IKBKG: variants seen among roughly 807,000 people sequenced by gnomAD.
IKBKG encodes inhibitor of nuclear factor kappa B kinase regulatory subunit gamma.
Under a neutral mutation model 13.7 loss-of-function variants are expected in IKBKG, and 2 were observed. The ratio of observed to expected loss-of-function variants is 0.15; its 90% confidence interval spans 0.06 to 0.46. The LOEUF (loss-of-function observed/expected upper bound fraction) is 0.46, where lower values mean the gene tolerates loss of function less well. IKBKG is among the 20% of genes least tolerant of loss of function. The probability of loss-of-function intolerance (pLI) is 0.98; values close to 1 mark genes in which losing one functional copy is unlikely to be tolerated. For synonymous variants in IKBKG, 22 were observed against 64.4 expected (o/e 0.34, Z 3.15); for missense variants, 53 against 150.3 (o/e 0.35, Z 3.39).
intron 2 of IKBKG, among the ~76,000 whole-genome samples, chrX:154,553,846 G>C (rs2070998015): frequency 8.9e-6 from 1 of 112,771 alleles, no homozygotes; most frequent in Non-Finnish European, 1.9e-5. Flanking sequence ...AGAGGTGACA[G>C]TTAGACTGGG....
At chrX:154,546,885 C>G (rs879969115), upstream of IKBKG, 1 of 1,011,505 alleles carries the variant, frequency 9.9e-7, no homozygotes. Flanking sequence ...TCGGCGGGGG[C>G]GGGGGCGGGC....
rs1274735544 is a variant in IKBKG, at chrX:154,547,723, C to T, written c.-38C>T. On this transcript the variant is annotated 5_prime_UTR_variant, in exon 1 of 10. In the 5' UTR this introduces an upstream ATG that the reference lacks. Transcript: ENST00000594239. ...CAGTCCGCCGCTCCCACCCTTCTCA[C>T]GTCTGACGGACTCTGCTGACAGGTG... is the stretch of plus-strand genomic sequence containing the variant. 5.3e-6 allele frequency: 4 copies of T among 754,221 alleles called. No homozygotes were observed. The highest frequency in any genetic ancestry group is 6.3e-6 in the Non-Finnish European group (4 of 639,335). The allele number at this position is 754,221 out of a possible 1,213,427, so 62.2% of individuals were successfully genotyped here. A position where few individuals can be genotyped will look rare whatever the true frequency, so the allele number is the denominator to read the frequency against.
chrX:154,541,414 G>C (rs1255974960), intron 1 of IKBKG: 3 of 111,730 alleles, frequency 2.7e-5, no homozygotes, highest in East Asian at 5.6e-4. Context: ...GTAGGGGTGG[G>C]GTAAGGCAGG....
At chrX:154,548,436 G>A (rs906030577) in intron 1 of IKBKG, among the ~76,000 whole-genome samples, 21 of 112,589 alleles carry the variant, frequency 1.9e-4, no homozygotes, top group African/African-American at 6.8e-4. Flanking sequence ...AGTGGGCAAG[G>A]GTAAAAGAAG....
chrX:154,553,722 C>T (rs2070995101), intron 2 of IKBKG, among the ~76,000 whole-genome samples: 1 of 112,867 alleles, frequency 8.9e-6, no homozygotes, highest in Non-Finnish European at 1.9e-5. Flanking sequence ...AGCACCTGTC[C>T]TGTTGTGACA....
intron 2 of IKBKG, among the ~76,000 whole-genome samples, chrX:154,552,927 A>C: frequency 9.4e-6 from 1 of 106,693 alleles, no homozygotes; most frequent in Admixed American, 9.7e-5. Flanking sequence ...CTTCCCCCTC[A>C]CCCCCTCTCC....
chrX:154,542,128 T>A (rs1240564359), intron 1 of IKBKG: 1 of 449,445 alleles, frequency 2.2e-6, no homozygotes, highest in African/African-American at 2.6e-5. Flanking sequence ...AACATCATCA[T>A]GACACAGCAA....
chrX:154,548,210 G>A (rs1429812882), intron 1 of IKBKG: 1 of 535,205 alleles, frequency 1.9e-6, no homozygotes, highest in Non-Finnish European at 2.3e-6. Context: ...TAGCACGGAG[G>A]TCACTATAGC....
At chrX:154,547,529 C>T (rs1557233927), upstream of IKBKG, 3 of 753,951 alleles carry the variant, frequency 4.0e-6, no homozygotes, top group Non-Finnish European at 4.7e-6. Context: ...CGGGATGCGG[C>T]CCTACCGCGG....
intron 1 of IKBKG, among the ~76,000 whole-genome samples, chrX:154,541,796 G>A (rs1298446309): frequency 1.8e-5 from 2 of 112,695 alleles, no homozygotes; most frequent in African/African-American, 6.5e-5. Context: ...CCAGGGCAAA[G>A]GGACCTGGGC....
At chrX:154,546,794 C>T (rs368832112), upstream of IKBKG, 85 of 1,161,171 alleles carry the variant, frequency 7.3e-5, 1 homozygote, top group East Asian at 2.5e-3. Flanking sequence ...GTTACCTGCG[C>T]TTCGTCGTCG....
At chrX:154,550,758 G>A (rs181159910) in intron 1 of IKBKG, among the ~76,000 whole-genome samples, 3 of 110,863 alleles carry the variant, frequency 2.7e-5, no homozygotes, top group Non-Finnish European at 5.7e-5. Context: ...CTCTTGCTTC[G>A]GCCTCCCGAG....
upstream of IKBKG, chrX:154,542,454 TA>T: frequency 8.5e-7 from 1 of 1,174,585 alleles, no homozygotes; most frequent in Non-Finnish European, 1.1e-6. Flanking sequence ...AAGGGGGCAG[TA>T]AGTACCTCGG....
chrX:154,542,895 T>C (rs782535512), upstream of IKBKG, among the ~76,000 whole-genome samples: 4 of 111,988 alleles, frequency 3.6e-5, no homozygotes, highest in African/African-American at 1.3e-4. Flanking sequence ...CTGGCCGCAA[T>C]AGCACATAGG....
chrX:154,542,587 G>A (rs868973300), upstream of IKBKG: 3 of 851,789 alleles, frequency 3.5e-6, no homozygotes, highest in East Asian at 1.2e-4. Context: ...GAGGTAAGCT[G>A]GCCAGGGAGG....
intron 1 of IKBKG, among the ~76,000 whole-genome samples, chrX:154,541,868 A>G (rs968594583): frequency 1.8e-5 from 2 of 112,061 alleles, no homozygotes; most frequent in South Asian, 3.7e-4. Context: ...TGAGGGTTTC[A>G]TGGTAGAGCA....
At chrX:154,545,697 T>C (rs2070684180), upstream of IKBKG, 1 of 230,498 alleles carries the variant, frequency 4.3e-6, no homozygotes, top group Non-Finnish European at 7.9e-6. Context: ...TAGCCGGGTG[T>C]GGTGGTGCAT....
chrX:154,553,617 C>A (rs2070992825), intron 2 of IKBKG, among the ~76,000 whole-genome samples: 2 of 112,691 alleles, frequency 1.8e-5, no homozygotes, highest in Admixed American at 1.9e-4. Flanking sequence ...CAGGGTCCCC[C>A]ACCTCAGTGC....
At chrX:154,559,122 C>G (rs1297109659) in intron 4 of IKBKG, among the ~76,000 whole-genome samples, 2 of 111,349 alleles carry the variant, frequency 1.8e-5, no homozygotes, top group Non-Finnish European at 3.7e-5. Context: ...CAGGGATGCC[C>G]GCTAGAGACT....
Sources: gnomAD v4.1 joint callset for allele counts (sites outside exome capture counted in the v4.1 genomes callset) on GRCh38, gnomAD v4.1.1 for gene constraint, MANE v1.5 for transcripts, NCBI Gene and HGNC (gene_info 2026-07-23, HGNC 2026-07-21) for gene names.